LPP: variants seen among roughly 807,000 people sequenced by gnomAD.
LPP encodes the protein lipoma-preferred partner.
In LPP, 38 loss-of-function variants were observed where a neutral mutation model predicts 60.4. The ratio of observed to expected loss-of-function variants is 0.63; its 90% CI spans 0.49 to 0.83. The LOEUF is 0.83. LPP is among the 40% of genes least tolerant of loss of function. The pLI is 0.00. For synonymous variants in LPP, 328 were observed against 290.8 expected, an observed-to-expected ratio of 1.13 and a Z score of -1.30; for missense variants, 902 against 783.6, an observed-to-expected ratio of 1.15 and a Z score of -1.80.
intron 4 of LPP, among the ~76,000 whole-genome samples, chr3:188,483,859 G>A (rs115700882): frequency 6.6e-6 from 1 of 152,278 alleles, no homozygotes; most frequent in Non-Finnish European, 1.5e-5. Context: ...GTAACCAAGT[G>A]TTTCTTTCTC....
At chr3:188,655,099 C>T (rs1258829254) in intron 7 of LPP, among the ~76,000 whole-genome samples, 1 of 152,134 alleles carries the variant, frequency 6.6e-6, no homozygotes, top group Admixed American at 6.5e-5. Context: ...CCAGAAGATA[C>T]AAAATGAACT....
chr3:188,405,654 C>G (rs1783287334), intron 3 of LPP, among the ~76,000 whole-genome samples: 1 of 151,966 alleles, frequency 6.6e-6, no homozygotes, highest in Non-Finnish European at 1.5e-5. Flanking sequence ...GGTAACTTAG[C>G]ACTTCATTTA....
rs559737689 is a variant in LPP at position 188,185,558 on chromosome 3, C to T, written c.-190+31306C>T. 1.9e-3 allele frequency among the ~76,000 whole-genome samples: 282 copies of T among 152,198 alleles called. 1 individual carries two copies. The highest frequency in any genetic ancestry group is 6.0e-3 in the African/African-American group (250 of 41,512). ...AATTCTCTTTTCCCTCTATATACCC[C>T]ACAGTTTATTGCGTGGATAACTCTC... On this transcript the variant is annotated intron_variant, in intron 1 of 11. Transcript: ENST00000617246.
chr3:188,368,680 T>TCA (rs1442170326), intron 3 of LPP, among the ~76,000 whole-genome samples: 6,153 of 94,784 alleles, frequency 0.065, 172 homozygotes, highest in Non-Finnish European at 0.087. Flanking sequence ...ACACACACAC[T>TCA]CTCACACACA....
intron 6 of LPP, among the ~76,000 whole-genome samples, chr3:188,570,869 T>G (rs932987867): frequency 6.6e-6 from 1 of 151,978 alleles, no homozygotes; most frequent in Non-Finnish European, 1.5e-5. Context: ...GAGCCTAATA[T>G]TCTCCTCCTA....
intron 4 of LPP, among the ~76,000 whole-genome samples, chr3:188,463,814 C>T (rs764372589): frequency 3.9e-5 from 6 of 152,206 alleles, no homozygotes; most frequent in South Asian, 2.1e-4. Context: ...AGTGTCTGTT[C>T]GGTACTAGGA....
chr3:188,443,784 A>T (rs1186152367), intron 4 of LPP, among the ~76,000 whole-genome samples: 1 of 152,234 alleles, frequency 6.6e-6, no homozygotes, highest in East Asian at 1.9e-4. Context: ...TGCCATCAGA[A>T]CCTTAATTTA....
In LPP at chr3:188,846,675, T is replaced by G. The variant is rs1388163412; in HGVS notation, c.1411-19525T>G. Among the ~76,000 whole-genome samples the G allele has an allele frequency of 7.1e-5, 8 of 112,640 alleles. No individual in the cohort carries two copies. The Admixed American group carries it at 8.9e-4, about 12-fold the overall frequency. The allele number at this position is 112,640 out of a possible 152,430, so 73.9% of individuals were successfully genotyped here. On this transcript the variant is annotated intron_variant, in intron 9 of 11. Transcript: ENST00000617246. ...CTCCAGCCTGGTTGACAGAGCAAGA[T>G]TCCATCTCAAAAAAAAAAAAAAAAA...
intron 6 of LPP, among the ~76,000 whole-genome samples, chr3:188,551,427 C>T (rs1027657921): frequency 2.6e-5 from 4 of 152,112 alleles, no homozygotes; most frequent in African/African-American, 9.7e-5. Flanking sequence ...AGAGCCAAGC[C>T]ATATCACAAG....
At chr3:188,333,242 T>C (rs934284854) in intron 2 of LPP, among the ~76,000 whole-genome samples, 4 of 152,298 alleles carry the variant, frequency 2.6e-5, no homozygotes, top group African/African-American at 7.2e-5. Context: ...GCACAACAAT[T>C]GGCACTGAGT....
At chr3:188,240,422 A>G (rs1033927632) in intron 2 of LPP, among the ~76,000 whole-genome samples, 1 of 151,642 alleles carries the variant, frequency 6.6e-6, no homozygotes, top group Non-Finnish European at 1.5e-5. Flanking sequence ...ACAAATGAAG[A>G]GGGAGAGGTC....
chr3:188,612,345 C>T (rs1472274634), intron 7 of LPP, among the ~76,000 whole-genome samples: 1 of 152,078 alleles, frequency 6.6e-6, no homozygotes, highest in African/African-American at 2.4e-5. Context: ...TCACAGTTGG[C>T]CTTTGAGCAA....
At chr3:188,649,467 G>C (rs887685720) in intron 7 of LPP, among the ~76,000 whole-genome samples, 1 of 152,150 alleles carries the variant, frequency 6.6e-6, no homozygotes, top group African/African-American at 2.4e-5. Flanking sequence ...CACCAAAGGG[G>C]ACTGGACTTA....
intron 8 of LPP, among the ~76,000 whole-genome samples, chr3:188,752,028 G>A (rs919957484): frequency 2.6e-5 from 4 of 152,140 alleles, no homozygotes; most frequent in African/African-American, 7.2e-5. Context: ...TCCAAAGCAT[G>A]TGCCTTTCTG....
intron 8 of LPP, among the ~76,000 whole-genome samples, chr3:188,740,747 A>G (rs1724122949): frequency 6.6e-6 from 1 of 151,986 alleles, no homozygotes; most frequent in Non-Finnish European, 1.5e-5. Flanking sequence ...GTGATCCATA[A>G]GAGATTACTT....
At position 188,557,422 on chromosome 3, in the gene LPP, C is replaced by G. The variant is rs1222491189; in HGVS notation, c.429+32635C>G. On this transcript the variant is annotated intron_variant, in intron 6 of 11. Coordinates refer to ENST00000617246, the MANE Select transcript of LPP (RefSeq NM_001375462.1). ...GAGTGGTATATTTTAGGAACTGTGT[C>G]CATGGACAGAATGAGATATCATGAG... Among the ~76,000 whole-genome samples the G allele has an allele frequency of 2.6e-5, 4 of 152,026 alleles. No homozygotes were observed. The East Asian group carries it at 7.7e-4, about 29-fold the overall frequency.
At chr3:188,596,871 T>C (rs2151164636) in intron 6 of LPP, among the ~76,000 whole-genome samples, 1 of 152,260 alleles carries the variant, frequency 6.6e-6, no homozygotes, top group South Asian at 2.1e-4. Flanking sequence ...CTCACACTGG[T>C]GGCTTCTTTT....
intron 4 of LPP, among the ~76,000 whole-genome samples, chr3:188,417,663 A>T (rs1786669216): frequency 2.0e-5 from 3 of 152,188 alleles, no homozygotes; most frequent in Admixed American, 6.6e-5. Flanking sequence ...AAGGACCAAG[A>T]AATATGATCT....
intron 1 of LPP, among the ~76,000 whole-genome samples, chr3:188,158,028 T>C (rs1370156199): frequency 6.6e-6 from 1 of 152,108 alleles, no homozygotes; most frequent in Non-Finnish European, 1.5e-5. Context: ...TTAATCTCGA[T>C]AGGGGCCGTT....
Sources: allele counts gnomAD v4.1 joint callset (sites outside exome capture counted in the v4.1 genomes callset), GRCh38; gene constraint gnomAD v4.1.1; transcripts MANE v1.5; gene names NCBI Gene and HGNC (gene_info 2026-07-23, HGNC 2026-07-21).